The following AGAP3 variants were observed in gnomAD, a reference collection of about 807,000 sequenced individuals.
AGAP3 encodes the protein ArfGAP with GTPase domain, ankyrin repeat and PH domain 3.
AGAP3 carries 24 observed loss-of-function variants against 96.9 expected under a neutral mutation model. The ratio of observed to expected loss-of-function variants is 0.25; its 90% CI spans 0.18 to 0.35. The LOEUF is 0.35. Among genes scored for constraint, AGAP3 ranks in the 10% least tolerant of loss-of-function variants. The pLI is 1.00. For missense variants in AGAP3, 876 were observed against 1,254.2 expected, an observed-to-expected ratio of 0.70 and a Z score of 4.55; for synonymous variants, 563 against 536.1, an observed-to-expected ratio of 1.05 and a Z score of -0.69.
At chr7:151,106,423 C>T (rs566400483) in intron 1 of AGAP3, among the ~76,000 whole-genome samples, 1 of 152,172 alleles carries the variant, frequency 6.6e-6, no homozygotes, top group Non-Finnish European at 1.5e-5. Context: ...ACCTCCACCT[C>T]CCAGGTTCAA....
Position 151,087,068 on chromosome 7 carries a change from C to G in AGAP3, c.327C>G (p.Ile109Met). 6.3e-7 allele frequency: 1 copy of G among 1,598,088 alleles called. No homozygotes were observed. Among genetic ancestry groups the G allele is most frequent in the Non-Finnish European group, 8.5e-7 (1 of 1,172,388 alleles). The change falls in exon 1 of 18, where the codon ATC becomes ATG. Residue 109 changes from isoleucine (I) to methionine (M), a missense_variant. Ile to Met is a conservative substitution (Grantham distance 10). This residue lies in a region of AGAP3 where 131 missense variants were observed against 304.5 expected (regional missense o/e 0.43). Transcript: ENST00000397238. ...AGATCCGGGAGCACGTCATCTCCATCGAGGGTGAGCGGAGCCGGGGGCTGC... is the reference window on the plus strand; with the variant it reads ...AGATCCGGGAGCACGTCATCTCCATGGAGGGTGAGCGGAGCCGGGGGCTGC... ...QNQIREHVIS[I>M]EDSFVNSQEW...
chr7:151,115,808 G>A (rs1799548963), intron 1 of AGAP3, among the ~76,000 whole-genome samples: 1 of 152,196 alleles, frequency 6.6e-6, no homozygotes, highest in Non-Finnish European at 1.5e-5. Context: ...CAGTGGCCGA[G>A]GAGGACAGGC....
chr7:151,126,113 G>A (rs1351697315), intron 9 of AGAP3, among the ~76,000 whole-genome samples: 3 of 144,822 alleles, frequency 2.1e-5, no homozygotes. Context: ...CCCGGCTAAC[G>A]AGCGTCATTA....
chr7:151,112,453 T>C (rs896299608), intron 1 of AGAP3, among the ~76,000 whole-genome samples: 5 of 150,394 alleles, frequency 3.3e-5, no homozygotes, highest in Non-Finnish European at 7.4e-5. Flanking sequence ...TGTGTGCAGC[T>C]GGGGCCTTAA....
intron 1 of AGAP3, chr7:151,115,633 C>A (rs1321900161): frequency 8.6e-7 from 1 of 1,168,544 alleles, no homozygotes. Context: ...CTCCTGCGCG[C>A]GCCCAGCGGT....
chr7:151,101,206 T>A (rs1044114266), intron 1 of AGAP3, among the ~76,000 whole-genome samples: 10 of 152,196 alleles, frequency 6.6e-5, no homozygotes. Flanking sequence ...AGGAGCCTCC[T>A]TACTTCTGTA....
chr7:151,140,340 T>C lies in AGAP3; in HGVS notation c.1804+224T>C. 1 of 409,282 alleles carries C rather than the reference T, an allele frequency of 2.4e-6. No individual in the cohort carries two copies. Among genetic ancestry groups the C allele is most frequent in the Non-Finnish European group, 4.1e-6 (1 of 243,346 alleles). The allele number at this position is 409,282 out of a possible 1,614,324, so 25.4% of individuals were successfully genotyped here. A position where few individuals can be genotyped will look rare whatever the true frequency, so the allele number is the denominator to read the frequency against. On this transcript the variant is annotated intron_variant, in intron 13 of 17. Transcript: ENST00000397238. The surrounding 1 kb of genome is among the most constrained non-coding windows in gnomAD (Gnocchi z 5.4). ...AAACCCTTTCTGTTGAAATGTGGGC[T>C]TACTTCATTTATTCTTAAGGTAAAA... is the stretch of plus-strand genomic sequence containing the variant.
chr7:151,122,447 C>G (rs917885257), intron 8 of AGAP3, among the ~76,000 whole-genome samples: 1 of 152,168 alleles, frequency 6.6e-6, no homozygotes, highest in Non-Finnish European at 1.5e-5. Flanking sequence ...GGCGAACATA[C>G]CATTCCGTGC....
In AGAP3 at chr7:151,139,820, C is replaced by T; in HGVS notation, c.1667-159C>T. On this transcript the variant is annotated intron_variant, in intron 12 of 17. Transcript: ENST00000397238. This position sits in a 1 kb window ranked among gnomAD's most constrained non-coding sequence, Gnocchi z 4.9. The stretch of plus-strand genomic sequence containing the variant: ...CTGGGGAGCTTTGGGACTGGGAAGC[C>T]CAGGCAGACCTCGCCTAGAGAGAGG... 1 of 612,536 alleles carries T rather than the reference C, an allele frequency of 1.6e-6. No homozygotes were observed. The highest frequency in any genetic ancestry group is 2.5e-6 in the Non-Finnish European group (1 of 408,138). 37.9% of individuals were successfully genotyped at this position (612,536 alleles called of 1,614,324 possible). A position where few individuals can be genotyped will look rare whatever the true frequency, so the allele number is the denominator to read the frequency against.
chr7:151,106,001 G>A (rs888290522), intron 1 of AGAP3, among the ~76,000 whole-genome samples: 52 of 151,740 alleles, frequency 3.4e-4, no homozygotes, highest in Non-Finnish European at 6.3e-4. Context: ...GGTTTAATGG[G>A]TTTAATAAGT....
chr7:151,099,342 CAA>C (rs11322956), intron 1 of AGAP3, among the ~76,000 whole-genome samples: 124 of 136,294 alleles, frequency 9.1e-4, no homozygotes, highest in East Asian at 8.8e-4. Context: ...GACTCCATCT[CAA>C]AAAAAAAAAA....
intron 9 of AGAP3, among the ~76,000 whole-genome samples, chr7:151,126,247 C>T (rs1800163489): frequency 1.3e-5 from 2 of 152,128 alleles, no homozygotes; most frequent in South Asian, 4.1e-4. Flanking sequence ...GTGTCTGGGT[C>T]GGAAAGGAGG....
intron 8 of AGAP3, among the ~76,000 whole-genome samples, chr7:151,121,921 G>A (rs72617358): frequency 0.02 from 3,077 of 152,334 alleles, 120 homozygotes; most frequent in East Asian, 0.18. Context: ...GCGAGCCCCT[G>A]TGTCCTGCCT....
intron 8 of AGAP3, 108 bp from the exon 9 acceptor site, chr7:151,123,686 C>T (rs971486947): frequency 6.3e-7 from 1 of 1,577,770 alleles, no homozygotes; most frequent in African/African-American, 1.3e-5. Flanking sequence ...CGACCCACTG[C>T]TAGGGCTGCC....
At chr7:151,097,898 A>G (rs1191246315) in intron 1 of AGAP3, among the ~76,000 whole-genome samples, 1 of 152,156 alleles carries the variant, frequency 6.6e-6, no homozygotes, top group Non-Finnish European at 1.5e-5. Flanking sequence ...ATAAATATCT[A>G]TTAATAAGAT....
chr7:151,100,177 C>T (rs745899764), intron 1 of AGAP3, among the ~76,000 whole-genome samples: 3 of 152,202 alleles, frequency 2.0e-5, no homozygotes, highest in African/African-American at 4.8e-5. Context: ...AGCCCAACTC[C>T]GAGAGGGTCT....
intron 9 of AGAP3, chr7:151,128,206 C>T (rs779649026): frequency 4.4e-5 from 10 of 226,280 alleles, no homozygotes; most frequent in Non-Finnish European, 7.2e-5. Context: ...CTATCTACAC[C>T]CCTGAGCGTC....
chr7:151,131,480 C>T (rs1211389549), intron 10 of AGAP3, among the ~76,000 whole-genome samples: 3 of 152,186 alleles, frequency 2.0e-5, no homozygotes, highest in Non-Finnish European at 4.4e-5. Context: ...TGACCGCTCT[C>T]CTGAGCAGCC....
intron 8 of AGAP3, chr7:151,122,773 C>G (rs1242748162): frequency 6.2e-7 from 1 of 1,613,900 alleles, no homozygotes; most frequent in Non-Finnish European, 8.5e-7. Flanking sequence ...GCCTTTCCAA[C>G]TCCTTCCAAA....
Sources: gnomAD v4.1 joint callset for allele counts (sites outside exome capture counted in the v4.1 genomes callset) on GRCh38, gnomAD v4.1.1 for gene constraint, gnomAD v4.1.1 regional missense constraint, Gnocchi (gnomAD v3.1) non-coding constraint, MANE v1.5 for transcripts, NCBI Gene and HGNC (gene_info 2026-07-23, HGNC 2026-07-21) for gene names.